FRK: variants seen among roughly 807,000 people sequenced by gnomAD.
FRK encodes tyrosine-protein kinase FRK.
Under a neutral mutation model 56.4 loss-of-function variants are expected in FRK, and 51 were observed. The observed-to-expected ratio is 0.90, with a 90% CI of 0.72 to 1.14. FRK has a LOEUF of 1.14. Among genes scored for constraint, FRK ranks in the 50% most tolerant of loss-of-function variants. FRK has a pLI of 0.00. For missense variants in FRK, 570 were observed against 601.4 expected (o/e 0.95, Z 0.55); for synonymous variants, 245 against 217.9 (o/e 1.12, Z -1.10).
At chr6:115,975,821 T>A (rs1173049587) in intron 2 of FRK, among the ~76,000 whole-genome samples, 4 of 152,156 alleles carry the variant, frequency 2.6e-5, no homozygotes, top group African/African-American at 9.7e-5. Context: ...TAGGGAGAAA[T>A]GTTTCACCTG....
intron 2 of FRK, 51 bp downstream of exon 2, chr6:116,003,826 T>C (rs757813892): frequency 6.3e-7 from 1 of 1,597,858 alleles, no homozygotes; most frequent in South Asian, 1.1e-5. Context: ...AGAAAGCTCA[T>C]GACTGCAGAC....
At chr6:116,003,045 C>G (rs1391106934) in intron 2 of FRK, among the ~76,000 whole-genome samples, 2 of 152,186 alleles carry the variant, frequency 1.3e-5, no homozygotes, top group South Asian at 2.1e-4. Flanking sequence ...CATGTTTAAT[C>G]AGCATTTATT....
intron 2 of FRK, among the ~76,000 whole-genome samples, chr6:115,988,324 T>C (rs1043518562): frequency 5.9e-5 from 9 of 152,070 alleles, no homozygotes; most frequent in African/African-American, 2.2e-4. Context: ...ACACATTTTG[T>C]GTAACTATCA....
At chr6:116,019,057 G>A (rs973953102) in intron 1 of FRK, among the ~76,000 whole-genome samples, 8 of 152,156 alleles carry the variant, frequency 5.3e-5, no homozygotes, top group Admixed American at 4.6e-4. Flanking sequence ...GGCAAGGCAA[G>A]GGGCTTGTGG....
rs77851780 is a variant in FRK, at chr6:116,002,048, C to G, written c.466+1829G>C. On this transcript the variant is annotated intron_variant, in intron 2 of 7. Transcript: ENST00000606080. Reference sequence around the variant, plus strand: ...GGTCAAGAATTTTTAAAAATCCTGACAGGAAAAGTATTTCGATATTTAAAA... The same window carrying G: ...GGTCAAGAATTTTTAAAAATCCTGAGAGGAAAAGTATTTCGATATTTAAAA... 2.4e-3 allele frequency among the ~76,000 whole-genome samples: 358 copies of G among 152,268 alleles called. 1 individual carries two copies. The highest frequency in any genetic ancestry group is 4.0e-3 in the Non-Finnish European group (272 of 68,028).
intron 1 of FRK, among the ~76,000 whole-genome samples, chr6:116,016,174 G>A (rs1446337249): frequency 6.6e-6 from 1 of 152,110 alleles, no homozygotes; most frequent in Non-Finnish European, 1.5e-5. Flanking sequence ...TGGTCTCATG[G>A]GCTGGGTACA....
intron 1 of FRK, among the ~76,000 whole-genome samples, chr6:116,039,743 G>A (rs1479705268): frequency 1.3e-5 from 2 of 152,032 alleles, no homozygotes; most frequent in African/African-American, 4.8e-5. Flanking sequence ...CCTTGGCTGA[G>A]AGGTGGAAGG....
chr6:116,062,715 C>T (rs1777667975), upstream of FRK, among the ~76,000 whole-genome samples: 1 of 152,102 alleles, frequency 6.6e-6, no homozygotes, highest in South Asian at 2.1e-4. Context: ...GAGCAATGGC[C>T]TGAGAACGCA....
chr6:116,054,779 T>C (rs1309704111), intron 1 of FRK, among the ~76,000 whole-genome samples: 2 of 151,732 alleles, frequency 1.3e-5, no homozygotes, highest in East Asian at 3.9e-4. Context: ...TAAAGAACAA[T>C]TGTGGAACTG....
intron 2 of FRK, among the ~76,000 whole-genome samples, chr6:115,970,232 G>A (rs1429642633): frequency 6.6e-6 from 1 of 151,972 alleles, no homozygotes; most frequent in Non-Finnish European, 1.5e-5. Context: ...CACAGTTGAT[G>A]GAAGAGTAAT....
the FRK span, among the ~76,000 whole-genome samples, chr6:116,070,905 C>T: frequency 5.9e-5 from 9 of 152,036 alleles, no homozygotes; most frequent in Non-Finnish European, 1.0e-4. Context: ...AAGAAGTATA[C>T]TTGGCATTTT....
In FRK at chr6:116,003,860, C is replaced by T. The variant is rs778978275; in HGVS notation, c.466+17G>A. ...ACTCTCAAGCTCATATTGAATGACA[C>T]AAAACAATACCCTTACCTGAAAGAG... On this transcript the variant is annotated intron_variant, in intron 2 of 7. Transcript: ENST00000606080. The T allele has an allele frequency of 3.7e-6, 6 of 1,612,692 alleles. No individual in the cohort carries two copies. In the South Asian group the frequency reaches 5.5e-5, roughly 15 times the overall value.
At chr6:115,942,689 C>A in intron 7 of FRK, 64 bp from the exon 8 acceptor site, 1 of 1,389,880 alleles carries the variant, frequency 7.2e-7, no homozygotes, top group South Asian at 1.2e-5. Context: ...GAGTCTTAAA[C>A]TTATAGCCAT....
chr6:116,030,669 T>C (rs1215669726), intron 1 of FRK, among the ~76,000 whole-genome samples: 2 of 152,140 alleles, frequency 1.3e-5, no homozygotes, highest in Non-Finnish European at 2.9e-5. Context: ...TGGAAACCCT[T>C]CATTGCTTTC....
intron 2 of FRK, among the ~76,000 whole-genome samples, chr6:115,970,058 T>C (rs1034830577): frequency 6.6e-6 from 1 of 152,126 alleles, no homozygotes; most frequent in Non-Finnish European, 1.5e-5. Flanking sequence ...GCTGGTGCAA[T>C]GCTCTTATGA....
chr6:115,979,331 AG>A (rs1489837452), intron 2 of FRK, among the ~76,000 whole-genome samples: 20 of 152,104 alleles, frequency 1.3e-4, no homozygotes, highest in African/African-American at 4.3e-4. Context: ...TGACAAAAAA[AG>A]TTTAAAAAGT....
At chr6:115,999,152 T>C (rs1312689713) in intron 2 of FRK, among the ~76,000 whole-genome samples, 1 of 152,206 alleles carries the variant, frequency 6.6e-6, no homozygotes, top group Admixed American at 6.5e-5. Context: ...TTTAAAGTAA[T>C]TGATTGAAGT....
intron 2 of FRK, 130 bp from the exon 3 acceptor site, chr6:115,968,869 T>C: frequency 2.6e-6 from 2 of 767,450 alleles, no homozygotes; most frequent in South Asian, 2.1e-5. Flanking sequence ...CAACTTTGTC[T>C]CAGAAAAGAT....
chr6:115,949,500 GAACTACA>G (rs1772623585), intron 5 of FRK, among the ~76,000 whole-genome samples: 1 of 152,050 alleles, frequency 6.6e-6, no homozygotes, highest in Non-Finnish European at 1.5e-5. Flanking sequence ...TCTTTAAAGA[GAACTACA>G]AACCACTGCT....
Sources: allele counts gnomAD v4.1 joint callset (sites outside exome capture counted in the v4.1 genomes callset), GRCh38; gene constraint gnomAD v4.1.1; transcripts MANE v1.5; gene names NCBI Gene and HGNC (gene_info 2026-07-23, HGNC 2026-07-21).